The following VKORC1L1 variants were observed in gnomAD, a reference collection of about 807,000 sequenced individuals.
The protein encoded by VKORC1L1 is vitamin K epoxide reductase complex subunit 1-like protein 1.
In VKORC1L1, 2 loss-of-function variants were observed where a neutral mutation model predicts 18.9. The ratio of observed to expected loss-of-function variants is 0.11; its 90% CI spans 0.04 to 0.33. The LOEUF (loss-of-function observed/expected upper bound fraction) is 0.33. VKORC1L1 is among the 10% of genes least tolerant of loss of function. VKORC1L1 has a pLI of 1.00. For missense variants in VKORC1L1, 123 were observed against 224.1 expected (o/e 0.55, Z 2.88); for synonymous variants, 96 against 100.0 (o/e 0.96, Z 0.24).
chr7:65,947,516 A>G (rs1442502189), intron 1 of VKORC1L1, among the ~76,000 whole-genome samples: 4 of 151,354 alleles, frequency 2.6e-5, no homozygotes, highest in Non-Finnish European at 5.9e-5. Context: ...TGATATTTGT[A>G]TCAAGTTTTA....
intron 1 of VKORC1L1, among the ~76,000 whole-genome samples, chr7:65,879,699 T>C (rs1306311331): frequency 2.6e-5 from 4 of 151,826 alleles, no homozygotes; most frequent in Middle Eastern, 3.5e-3. Flanking sequence ...CTTTCCTTTC[T>C]TTTCTCTCTT....
At chr7:65,913,578 T>G (rs927345501) in intron 1 of VKORC1L1, among the ~76,000 whole-genome samples, 1 of 151,590 alleles carries the variant, frequency 6.6e-6, no homozygotes, top group Admixed American at 6.6e-5. Context: ...ATACAAAAAT[T>G]AGCCGGGTGT....
chr7:65,898,478 A>G (rs1789255671), intron 1 of VKORC1L1, among the ~76,000 whole-genome samples: 1 of 152,138 alleles, frequency 6.6e-6, no homozygotes, highest in African/African-American at 2.4e-5. Context: ...AAGTGCATGA[A>G]CAGTATGTGT....
chr7:65,886,833 G>A (rs557272329), intron 1 of VKORC1L1, among the ~76,000 whole-genome samples: 4 of 133,450 alleles, frequency 3.0e-5, no homozygotes, highest in Admixed American at 2.4e-4. Context: ...CACTGCGCCT[G>A]TCCGAGTTTT....
chr7:65,906,209 C>A (rs889788228), intron 1 of VKORC1L1, among the ~76,000 whole-genome samples: 1 of 151,444 alleles, frequency 6.6e-6, no homozygotes, highest in African/African-American at 2.4e-5. Flanking sequence ...CCAAGGTGGG[C>A]GGATCACCTG....
At chr7:65,881,672 A>G (rs185496927) in intron 1 of VKORC1L1, among the ~76,000 whole-genome samples, 2 of 152,226 alleles carry the variant, frequency 1.3e-5, no homozygotes, top group African/African-American at 2.4e-5. Context: ...TTTTGCATAC[A>G]AAACTGGTGA....
chr7:65,914,783 T>C (rs75333797), intron 1 of VKORC1L1, among the ~76,000 whole-genome samples: 5,676 of 152,260 alleles, frequency 0.037, 162 homozygotes, highest in East Asian at 0.089. Context: ...GAGGATAGCT[T>C]GAGACCGACC....
At chr7:65,904,890 C>G (rs1376426795) in intron 1 of VKORC1L1, among the ~76,000 whole-genome samples, 1 of 151,948 alleles carries the variant, frequency 6.6e-6, no homozygotes, top group African/African-American at 2.4e-5. Flanking sequence ...TGATTTTTGT[C>G]TGTGTATATA....
Position 65,954,808 on chromosome 7 carries a change from A to G in VKORC1L1, c.*508A>G, listed in dbSNP as rs1445190085. 1.2e-5 allele frequency: 2 copies of G among 161,786 alleles called. No individual in the cohort carries two copies. Among genetic ancestry groups the G allele is most frequent in the Non-Finnish European group, 2.7e-5 (2 of 73,262 alleles). 10.0% of individuals were successfully genotyped at this position (161,786 alleles called of 1,614,324 possible). ...GTGATATTTGTAAATAAAGGTAGAA[A>G]TATTAGATCCATTTCTGCAGAACTT... On this transcript the variant is annotated 3_prime_UTR_variant, in exon 3 of 3. Coordinates refer to ENST00000360768, the MANE Select transcript of VKORC1L1 (RefSeq NM_173517.6).
intron 1 of VKORC1L1, among the ~76,000 whole-genome samples, chr7:65,876,273 C>T (rs968076013): frequency 6.6e-6 from 1 of 152,076 alleles, no homozygotes; most frequent in Admixed American, 6.6e-5. Context: ...TAAATGGAAT[C>T]ATTTAGCTAT....
At chr7:65,907,971 AT>A (rs1252577176) in intron 1 of VKORC1L1, among the ~76,000 whole-genome samples, 2 of 152,068 alleles carry the variant, frequency 1.3e-5, no homozygotes, top group Non-Finnish European at 2.9e-5. Context: ...CCCAGCTTTG[AT>A]TACTTACTGG....
At chr7:65,940,069 G>A (rs1435286963) in intron 1 of VKORC1L1, among the ~76,000 whole-genome samples, 1 of 151,800 alleles carries the variant, frequency 6.6e-6, no homozygotes, top group Non-Finnish European at 1.5e-5. Flanking sequence ...CTGTCACCCA[G>A]GCCGGAATGG....
chr7:65,884,278 A>G (rs1271517492), intron 1 of VKORC1L1, among the ~76,000 whole-genome samples: 2 of 152,208 alleles, frequency 1.3e-5, no homozygotes, highest in African/African-American at 4.8e-5. Context: ...AAAGGTACTC[A>G]TAAAACATAG....
chr7:65,904,060 T>C (rs940712459), intron 1 of VKORC1L1, among the ~76,000 whole-genome samples: 9 of 152,130 alleles, frequency 5.9e-5, no homozygotes, highest in African/African-American at 2.2e-4. Flanking sequence ...TTGCACAACA[T>C]TGTGAATTAA....
chr7:65,915,659 A>G (rs1789577254), intron 1 of VKORC1L1, among the ~76,000 whole-genome samples: 1 of 149,110 alleles, frequency 6.7e-6, no homozygotes, highest in Non-Finnish European at 1.5e-5. Context: ...GGTTTAGTAG[A>G]GTTTCCTACC....
At chr7:65,883,833 A>T (rs1407123796) in intron 1 of VKORC1L1, among the ~76,000 whole-genome samples, 1 of 152,152 alleles carries the variant, frequency 6.6e-6, no homozygotes, top group Non-Finnish European at 1.5e-5. Context: ...ATAAAATTTC[A>T]TTTAGAAAAA....
chr7:65,882,415 C>CAA (rs34950335), intron 1 of VKORC1L1, among the ~76,000 whole-genome samples: 6 of 124,014 alleles, frequency 4.8e-5, no homozygotes, highest in Middle Eastern at 8.1e-3. Flanking sequence ...AGTAAAAAAG[C>CAA]AAAAAAAAAA....
chr7:65,952,623 T>C (rs975786886), intron 2 of VKORC1L1, among the ~76,000 whole-genome samples: 1 of 152,098 alleles, frequency 6.6e-6, no homozygotes, highest in African/African-American at 2.4e-5. Context: ...TCTGTTATCC[T>C]TATCCATGAG....
intron 1 of VKORC1L1, among the ~76,000 whole-genome samples, chr7:65,905,303 AT>A (rs948603723): frequency 1.3e-5 from 2 of 151,564 alleles, no homozygotes; most frequent in Non-Finnish European, 2.9e-5. Flanking sequence ...TGGCGTGGTT[AT>A]TTTTTTTATT....
Sources: allele counts gnomAD v4.1 joint callset (sites outside exome capture counted in the v4.1 genomes callset), GRCh38; gene constraint gnomAD v4.1.1; transcripts MANE v1.5; gene names NCBI Gene and HGNC (gene_info 2026-07-23, HGNC 2026-07-21).